EIF4B: variants seen among roughly 807,000 people sequenced by gnomAD.
EIF4B encodes the protein eukaryotic translation initiation factor 4B.
A neutral mutation model predicts 79.3 loss-of-function variants in EIF4B; 8 were observed. The observed-to-expected ratio is 0.10, with a 90% confidence interval of 0.06 to 0.18. The LOEUF is 0.18. Among genes scored for constraint, EIF4B ranks in the 10% least tolerant of loss-of-function variants. The pLI is 1.00. For missense variants in EIF4B, 515 were observed against 792.4 expected, an observed-to-expected ratio of 0.65 and a Z score of 4.20; for synonymous variants, 238 against 274.7, an observed-to-expected ratio of 0.87 and a Z score of 1.32.
At chr12:53,029,442 C>A (rs1232164259) in intron 8 of EIF4B, among the ~76,000 whole-genome samples, 2 of 148,472 alleles carry the variant, frequency 1.3e-5, no homozygotes, top group African/African-American at 5.0e-5. Flanking sequence ...GTGGCATGAT[C>A]TCAGCTCACT....
rs1943616769 is a variant in EIF4B, at chr12:53,040,573, G to A, written c.*350G>A. 5.9e-6 allele frequency: 1 copy of A among 169,254 alleles called. No individual in the cohort carries two copies. 10.5% of individuals were successfully genotyped at this position (169,254 alleles called of 1,614,324 possible). ...GTGATATAATGCCTGGAACCTGGTT[G>A]GGCAGTAGGGGAGGGAGGTAGAAGG... On this transcript the variant is annotated 3_prime_UTR_variant, in exon 15 of 15. Transcript: ENST00000262056.
intron 10 of EIF4B, 109 bp downstream of exon 10, chr12:53,034,818 T>G: frequency 7.8e-7 from 1 of 1,288,620 alleles, no homozygotes; most frequent in Non-Finnish European, 1.1e-6. Flanking sequence ...GAACTCTTTA[T>G]TTGGGTTGCA....
At chr12:53,023,207 A>G (rs1160245321) in intron 6 of EIF4B, among the ~76,000 whole-genome samples, 2 of 152,186 alleles carry the variant, frequency 1.3e-5, no homozygotes, top group Non-Finnish European at 1.5e-5. Flanking sequence ...AGAGCAGCAT[A>G]CAAAGATCAG....
At chr12:53,019,443 TTTTTTTC>T (rs1943207450) in intron 3 of EIF4B, among the ~76,000 whole-genome samples, 2 of 94,388 alleles carry the variant, frequency 2.1e-5, no homozygotes, top group Non-Finnish European at 2.1e-5. Flanking sequence ...ATATATTTTT[TTTTTTTC>T]TTTTTTTTTT....
intron 1 of EIF4B, among the ~76,000 whole-genome samples, chr12:53,010,562 C>A (rs1943047215): frequency 2.2e-5 from 1 of 45,662 alleles, no homozygotes; most frequent in Admixed American, 3.7e-4. Flanking sequence ...ATTCTAGGCA[C>A]TCTGGGTGGA....
intron 3 of EIF4B, among the ~76,000 whole-genome samples, chr12:53,019,331 G>A (rs1411731555): frequency 4.6e-5 from 7 of 151,710 alleles, no homozygotes; most frequent in African/African-American, 1.2e-4. Context: ...CCTGGAAGAC[G>A]GAGGTTGTGG....
At chr12:53,010,099 T>A (rs1180084045) in intron 1 of EIF4B, among the ~76,000 whole-genome samples, 1 of 152,224 alleles carries the variant, frequency 6.6e-6, no homozygotes, top group Non-Finnish European at 1.5e-5. Flanking sequence ...CTGTCTCCCA[T>A]TTTGTGTAAT....
intron 9 of EIF4B, 106 bp downstream of exon 9, chr12:53,034,140 GT>G (rs1943496132): frequency 1.0e-5 from 12 of 1,157,436 alleles, no homozygotes; most frequent in Non-Finnish European, 1.5e-5. Flanking sequence ...CACATTAGTG[GT>G]TGTCACTGAT....
chr12:53,015,978 C>CA (rs11315385), intron 1 of EIF4B, among the ~76,000 whole-genome samples: 372 of 124,392 alleles, frequency 3.0e-3, no homozygotes, highest in African/African-American at 1.0e-2. Context: ...GACTCTGTCT[C>CA]AAAAAAAAAA....
intron 1 of EIF4B, among the ~76,000 whole-genome samples, chr12:53,009,596 G>A (rs527693118): frequency 1.3e-5 from 2 of 152,298 alleles, no homozygotes; most frequent in African/African-American, 4.8e-5. Flanking sequence ...AGTCCTGTGT[G>A]ACATCTTATT....
Position 53,041,264 on chromosome 12 carries a change from T to C in EIF4B, c.*1041T>C, listed in dbSNP as rs1943632236. The C allele has an allele frequency of 6.6e-6, 1 of 152,136 alleles. No individual in the cohort carries two copies. Among genetic ancestry groups the C allele is most frequent in the Admixed American group, 6.5e-5 (1 of 15,270 alleles). 9.4% of individuals were successfully genotyped at this position (152,136 alleles called of 1,614,324 possible). On this transcript the variant is annotated 3_prime_UTR_variant, in exon 15 of 15. Transcript: ENST00000262056. Reference sequence around the variant, plus strand: ...TCGCTGCTTTTCTCAAGCAAATCGGTTTCTTGATGTCTTTTGGTTCTCCTT... The same window carrying C: ...TCGCTGCTTTTCTCAAGCAAATCGGCTTCTTGATGTCTTTTGGTTCTCCTT...
At chr12:53,013,299 A>G (rs1565583725) in intron 1 of EIF4B, among the ~76,000 whole-genome samples, 1 of 152,248 alleles carries the variant, frequency 6.6e-6, no homozygotes. Flanking sequence ...GTGGAAGGAC[A>G]GGTTAATAAT....
At chr12:53,013,198 G>A (rs1419837375) in intron 1 of EIF4B, among the ~76,000 whole-genome samples, 1 of 152,164 alleles carries the variant, frequency 6.6e-6, no homozygotes, top group Non-Finnish European at 1.5e-5. Flanking sequence ...ATAGAACAAA[G>A]AGGAAAGGGA....
In EIF4B at chr12:53,028,035, A is replaced by G; in HGVS notation, c.826A>G (p.Ser276Gly). 6.2e-7 allele frequency: 1 copy of G among 1,612,342 alleles called. No individual in the cohort carries two copies. Among genetic ancestry groups the G allele is most frequent in the South Asian group, 1.1e-5 (1 of 90,814 alleles). The change falls in exon 8 of 15, where the codon AGT becomes GGT. Residue 276 changes from serine to glycine, a missense_variant. Ser to Gly is a moderately conservative substitution (Grantham distance 56, BLOSUM62 0). Around this residue, in one of 6 missense-constraint regions of EIF4B, gnomAD observed 187 missense variants for 256.5 expected, o/e 0.73. Transcript: ENST00000262056. The stretch of plus-strand genomic sequence containing the variant: ...TACAGGCTATGATTCCCGGATAGGC[A>G]GTGGCAGAAGAGCATTTGGCAGTGG... Reference protein sequence around the residue: ...YDRGYDSRIGSGRRAFGSGYR... With the variant: ...YDRGYDSRIGGGRRAFGSGYR...
rs1943510560 is a variant in EIF4B at position 53,034,838 on chromosome 12, T to G, written c.1306+129T>G. 1.8e-5 allele frequency: 17 copies of G among 941,440 alleles called. No homozygotes were observed. The South Asian group carries it at 2.0e-4, about 11-fold the overall frequency. 58.3% of individuals were successfully genotyped at this position (941,440 alleles called of 1,614,324 possible). On this transcript the variant is annotated intron_variant, in intron 10 of 14. Coordinates refer to ENST00000262056, the MANE Select transcript of EIF4B (RefSeq NM_001417.7). ...CTTTATTTGGGTTGCATGGGCCGATTGGAGTTTCATATCTTCTGCTCCAAA... is the reference window on the plus strand; with the variant it reads ...CTTTATTTGGGTTGCATGGGCCGATGGGAGTTTCATATCTTCTGCTCCAAA...
intron 8 of EIF4B, among the ~76,000 whole-genome samples, chr12:53,029,324 T>A (rs950665375): frequency 6.6e-6 from 1 of 152,086 alleles, no homozygotes; most frequent in South Asian, 2.1e-4. Flanking sequence ...AGTGATGTCA[T>A]ATAAAAGGTT....
At chr12:53,032,251 GGCCAACATGGTGAA>G (rs752481767) in intron 8 of EIF4B, among the ~76,000 whole-genome samples, 1 of 152,136 alleles carries the variant, frequency 6.6e-6, no homozygotes, top group Non-Finnish European at 1.5e-5. Flanking sequence ...AGACCAGCCT[GGCCAACATGGTGAA>G]GCCCCATCTC....
chr12:53,037,856 A>G, intron 11 of EIF4B: 1 of 555,506 alleles, frequency 1.8e-6, no homozygotes, highest in East Asian at 3.2e-5. Context: ...TGCCGCACAA[A>G]TCTGCAAATA....
At chr12:53,011,803 G>T (rs1275209331) in intron 1 of EIF4B, among the ~76,000 whole-genome samples, 3 of 152,126 alleles carry the variant, frequency 2.0e-5, no homozygotes, top group Non-Finnish European at 4.4e-5. Context: ...AAGAGCTGGA[G>T]GTGTGTTTTC....
Sources: allele counts gnomAD v4.1 joint callset (sites outside exome capture counted in the v4.1 genomes callset), GRCh38; gene constraint gnomAD v4.1.1; regional missense constraint gnomAD v4.1.1; transcripts MANE v1.5; gene names NCBI Gene and HGNC (gene_info 2026-07-23, HGNC 2026-07-21).